SCHIP1: variants seen among roughly 807,000 people sequenced by gnomAD.
SCHIP1 encodes the protein schwannomin interacting protein 1.
In SCHIP1, 8 loss-of-function variants were observed where a neutral mutation model predicts 29.7. The ratio of observed to expected loss-of-function variants is 0.27; its 90% CI spans 0.16 to 0.49. The LOEUF (loss-of-function observed/expected upper bound fraction) is 0.49, where lower values mean the gene tolerates loss of function less well. Among genes scored for constraint, SCHIP1 ranks in the 20% least tolerant of loss-of-function variants. The pLI is 0.99. For missense variants in SCHIP1, 193 were observed against 294.6 expected, an observed-to-expected ratio of 0.66 and a Z score of 2.52; for synonymous variants, 76 against 94.9, an observed-to-expected ratio of 0.80 and a Z score of 1.16.
At chr3:159,683,663 C>G in the SCHIP1 span, among the ~76,000 whole-genome samples, 1 of 152,146 alleles carries the variant, frequency 6.6e-6, no homozygotes, top group Admixed American at 6.6e-5. Context: ...AAGATGCCCT[C>G]AAGGTGTGCT....
the SCHIP1 span, among the ~76,000 whole-genome samples, chr3:159,735,744 C>G: frequency 6.6e-6 from 1 of 152,078 alleles, no homozygotes; most frequent in Non-Finnish European, 1.5e-5. Context: ...ACTGGAAGTT[C>G]ACATCCCAGC....
At chr3:159,330,491 C>T in the SCHIP1 span, among the ~76,000 whole-genome samples, 71 of 152,194 alleles carry the variant, frequency 4.7e-4, no homozygotes, top group African/African-American at 1.2e-3. Flanking sequence ...AATAAATATT[C>T]GGCTTAGAGC....
intron 1 of SCHIP1, among the ~76,000 whole-genome samples, chr3:159,862,399 A>T (rs971799228): frequency 6.6e-6 from 1 of 152,198 alleles, no homozygotes; most frequent in African/African-American, 2.4e-5. Context: ...CAAAGCAGAA[A>T]TTGTTGGAGT....
At chr3:159,842,544 C>T (rs1478005442) in intron 1 of SCHIP1, among the ~76,000 whole-genome samples, 1 of 152,110 alleles carries the variant, frequency 6.6e-6, no homozygotes, top group Non-Finnish European at 1.5e-5. Flanking sequence ...GTTTATCATC[C>T]TGCTCAGAGT....
At chr3:159,454,571 T>G in the SCHIP1 span, among the ~76,000 whole-genome samples, 1 of 152,190 alleles carries the variant, frequency 6.6e-6, no homozygotes, top group African/African-American at 2.4e-5. Flanking sequence ...TCCCTGGGTT[T>G]GGGAAGGGGG....
the SCHIP1 span, among the ~76,000 whole-genome samples, chr3:159,770,673 A>G: frequency 1.4e-4 from 22 of 152,264 alleles, no homozygotes; most frequent in African/African-American, 4.6e-4. Flanking sequence ...AGGAAGTACT[A>G]TTTTACTTTG....
At chr3:159,637,795 A>C in the SCHIP1 span, among the ~76,000 whole-genome samples, 2 of 152,222 alleles carry the variant, frequency 1.3e-5, no homozygotes, top group Non-Finnish European at 1.5e-5. Flanking sequence ...TTAGCTATAA[A>C]AATGCTTGGG....
the SCHIP1 span, among the ~76,000 whole-genome samples, chr3:159,729,538 T>C: frequency 1.7e-3 from 257 of 152,290 alleles, no homozygotes; most frequent in Non-Finnish European, 2.0e-3. Context: ...TCAATAACTT[T>C]CCTGTATAAA....
At chr3:159,671,487 A>G in the SCHIP1 span, among the ~76,000 whole-genome samples, 1 of 152,066 alleles carries the variant, frequency 6.6e-6, no homozygotes, top group Non-Finnish European at 1.5e-5. Context: ...CCTTGTTCAA[A>G]TCATTGTATC....
the SCHIP1 span, among the ~76,000 whole-genome samples, chr3:159,654,755 C>T: frequency 6.7e-6 from 1 of 149,650 alleles, no homozygotes; most frequent in Non-Finnish European, 1.5e-5. Flanking sequence ...CAATTACTAC[C>T]TCCTTGAAAA....
At chr3:159,850,291 C>T (rs1356297567) in intron 1 of SCHIP1, among the ~76,000 whole-genome samples, 1 of 152,130 alleles carries the variant, frequency 6.6e-6, no homozygotes, top group Non-Finnish European at 1.5e-5. Flanking sequence ...TGGTGGCTTA[C>T]ACCTGTAATC....
the SCHIP1 span, among the ~76,000 whole-genome samples, chr3:159,680,962 C>T: frequency 6.6e-6 from 1 of 151,108 alleles, no homozygotes; most frequent in South Asian, 2.1e-4. Flanking sequence ...ACATATGCTT[C>T]GAATATCAAC....
At chr3:159,741,622 T>C in the SCHIP1 span, among the ~76,000 whole-genome samples, 5 of 152,360 alleles carry the variant, frequency 3.3e-5, 1 homozygote, top group Middle Eastern at 6.8e-3. Flanking sequence ...ATTTAAAATA[T>C]GTAACCATCA....
chr3:159,771,255 G>A, the SCHIP1 span, among the ~76,000 whole-genome samples: 2 of 152,204 alleles, frequency 1.3e-5, no homozygotes, highest in African/African-American at 2.4e-5. Flanking sequence ...TGGCTGAGTA[G>A]TTTATTTCCT....
At chr3:159,472,785 AG>A in the SCHIP1 span, among the ~76,000 whole-genome samples, 8 of 152,300 alleles carry the variant, frequency 5.3e-5, no homozygotes, top group East Asian at 1.5e-3. Context: ...CGACCTGACC[AG>A]CTGAGAAGCT....
At chr3:159,570,900 T>C in the SCHIP1 span, among the ~76,000 whole-genome samples, 1 of 152,206 alleles carries the variant, frequency 6.6e-6, no homozygotes, top group Non-Finnish European at 1.5e-5. Context: ...TTATTCTCTT[T>C]GAAGCAATTG....
At chr3:159,413,484 T>C in the SCHIP1 span, among the ~76,000 whole-genome samples, 1 of 152,192 alleles carries the variant, frequency 6.6e-6, no homozygotes. Flanking sequence ...TCTACCTTCA[T>C]TCAACAAATA....
the SCHIP1 span, among the ~76,000 whole-genome samples, chr3:159,733,841 T>C: frequency 2.0e-5 from 3 of 152,332 alleles, no homozygotes; most frequent in African/African-American, 7.2e-5. Flanking sequence ...TGGTGATTAT[T>C]GGTTACTGAA....
chr3:159,619,692 C>A, the SCHIP1 span, among the ~76,000 whole-genome samples: 1 of 152,156 alleles, frequency 6.6e-6, no homozygotes, highest in Non-Finnish European at 1.5e-5. Flanking sequence ...AAACTGTACA[C>A]TTTTTGTTTG....
Sources: gnomAD v4.1 joint callset for allele counts (sites outside exome capture counted in the v4.1 genomes callset) on GRCh38, gnomAD v4.1.1 for gene constraint, MANE v1.5 for transcripts, NCBI Gene and HGNC (gene_info 2026-07-23, HGNC 2026-07-21) for gene names.